Variants in EYS observed in about 807,000 individuals in gnomAD.
EYS encodes EGF-like photoreceptor maintenance factor.
In EYS, 250 loss-of-function variants were observed where a neutral mutation model predicts 282.1. The observed-to-expected ratio is 0.89, with a 90% CI of 0.80 to 0.98. The LOEUF is 0.98. EYS is among the 50% of genes least tolerant of loss of function. The pLI is 0.00. For missense variants in EYS, 4,016 were observed against 3,709.0 expected, an observed-to-expected ratio of 1.08 and a Z score of -2.15; for synonymous variants, 1,355 against 1,282.9, an observed-to-expected ratio of 1.06 and a Z score of -1.20.
chr6:64,676,079 T>TAGGG (rs1386542027), intron 22 of EYS, among the ~76,000 whole-genome samples: 4 of 147,042 alleles, frequency 2.7e-5, no homozygotes, highest in Admixed American at 1.4e-4. Context: ...TATAGATAGA[T>TAGGG]AGAGAGAGAG....
chr6:64,596,567 C>T (rs12662827), intron 24 of EYS, among the ~76,000 whole-genome samples: 15,354 of 152,140 alleles, frequency 0.1, 925 homozygotes, highest in East Asian at 0.16. Flanking sequence ...TTCACATATT[C>T]ACAGCTAGCT....
chr6:64,890,638 A>C (rs1272204260), intron 18 of EYS, among the ~76,000 whole-genome samples: 2 of 152,096 alleles, frequency 1.3e-5, no homozygotes, highest in Non-Finnish European at 2.9e-5. Flanking sequence ...ACTTCTCAAA[A>C]AGTTCTGCTT....
chr6:64,344,676 A>G (rs974387719), intron 29 of EYS, among the ~76,000 whole-genome samples: 4 of 152,124 alleles, frequency 2.6e-5, no homozygotes, highest in African/African-American at 9.7e-5. Flanking sequence ...CCTATTCAAC[A>G]TAGTGTTGGA....
chr6:64,114,413 T>C (rs752949613), intron 31 of EYS, among the ~76,000 whole-genome samples: 2 of 152,194 alleles, frequency 1.3e-5, no homozygotes, highest in Non-Finnish European at 2.9e-5. Context: ...CCAGGCTTCA[T>C]CCTGTTAAAT....
chr6:63,858,535 C>G (rs1772451558), intron 36 of EYS, among the ~76,000 whole-genome samples: 1 of 152,180 alleles, frequency 6.6e-6, no homozygotes, highest in South Asian at 2.1e-4. Flanking sequence ...GGCAACTTCC[C>G]TCAGTTCTTA....
intron 7 of EYS, among the ~76,000 whole-genome samples, chr6:65,401,838 A>G (rs1430203645): frequency 6.6e-6 from 1 of 151,924 alleles, no homozygotes; most frequent in Non-Finnish European, 1.5e-5. Flanking sequence ...TGCCCAACAG[A>G]ATTTACTTGA....
rs142126213 is a variant in EYS at position 64,582,158 on chromosome 6, A to T, written c.5644+8065T>A. ...GTTGTCATTGTACAAAATTAGTCAT[A>T]GATAATATGTAAACCAGTGGTCTCC... On this transcript the variant is annotated intron_variant, in intron 26 of 42. Coordinates refer to ENST00000503581, the MANE Select transcript of EYS (RefSeq NM_001142800.2). Among the ~76,000 whole-genome samples the T allele has an allele frequency of 2.0e-4, 31 of 152,232 alleles. 1 individual carries two copies. The East Asian group carries it at 5.8e-3, about 29-fold the overall frequency.
chr6:64,457,481 T>G (rs1380444712), intron 26 of EYS, among the ~76,000 whole-genome samples: 1 of 152,058 alleles, frequency 6.6e-6, no homozygotes. Flanking sequence ...CCTACTATTA[T>G]CATATTGCAG....
chr6:64,538,999 C>A lies in EYS; in HGVS notation c.5644+51224G>T, dbSNP rs151118720. On this transcript the variant is annotated intron_variant, in intron 26 of 42. Coordinates refer to ENST00000503581, the MANE Select transcript of EYS (RefSeq NM_001142800.2). ...TGCTCTTATGTTCAAATCAATCACC[C>A]GAGAATCTTGTTAAAACACAGACTG... 2.6e-4 allele frequency among the ~76,000 whole-genome samples: 40 copies of A among 152,194 alleles called. No individual in the cohort carries two copies. The East Asian group carries it at 7.7e-3, about 29-fold the overall frequency.
intron 33 of EYS, among the ~76,000 whole-genome samples, chr6:64,022,146 T>A (rs2149820269): frequency 6.6e-6 from 1 of 152,364 alleles, no homozygotes; most frequent in South Asian, 2.1e-4. Flanking sequence ...GTAATTTTTA[T>A]CAGATGTTGT....
chr6:64,179,320 C>A (rs750212107), intron 31 of EYS, among the ~76,000 whole-genome samples: 1 of 151,996 alleles, frequency 6.6e-6, no homozygotes, highest in Non-Finnish European at 1.5e-5. Flanking sequence ...CACACTAAAA[C>A]TGACAGAGCA....
At chr6:64,534,885 C>T (rs1171780532) in intron 26 of EYS, among the ~76,000 whole-genome samples, 2 of 151,732 alleles carry the variant, frequency 1.3e-5, no homozygotes, top group African/African-American at 4.8e-5. Context: ...TATGACTGTT[C>T]AGGCCTTTGC....
At chr6:64,269,078 C>A (rs1329468842) in intron 30 of EYS, among the ~76,000 whole-genome samples, 1 of 152,092 alleles carries the variant, frequency 6.6e-6, no homozygotes, top group Non-Finnish European at 1.5e-5. Flanking sequence ...TTTCTCAGTG[C>A]TTTCAAAGAG....
At chr6:64,889,911 G>A (rs58470972) in intron 18 of EYS, among the ~76,000 whole-genome samples, 4 of 151,976 alleles carry the variant, frequency 2.6e-5, no homozygotes, top group East Asian at 1.9e-4. Context: ...TCTGACCGCC[G>A]GTGAGCTGGG....
chr6:63,952,348 C>A (rs1765632135), intron 35 of EYS, among the ~76,000 whole-genome samples: 1 of 152,186 alleles, frequency 6.6e-6, no homozygotes, highest in Admixed American at 6.6e-5. Flanking sequence ...GGCTTAGCAA[C>A]TGAAGACTGA....
chr6:63,822,960 A>T (rs1433910249), intron 36 of EYS, among the ~76,000 whole-genome samples: 1 of 152,156 alleles, frequency 6.6e-6, no homozygotes, highest in Admixed American at 6.6e-5. Context: ...ACAATAAAAC[A>T]ATTATGTCTG....
intron 26 of EYS, among the ~76,000 whole-genome samples, chr6:64,481,864 CTGTTCT>C (rs1562018871): frequency 2.6e-5 from 4 of 151,570 alleles, no homozygotes; most frequent in Non-Finnish European, 5.9e-5. Flanking sequence ...TGCTTAATAT[CTGTTCT>C]CTATATTTAA....
intron 33 of EYS, among the ~76,000 whole-genome samples, chr6:64,062,941 A>G (rs915550615): frequency 1.3e-5 from 2 of 152,116 alleles, no homozygotes; most frequent in Admixed American, 6.6e-5. Flanking sequence ...CTATCCTGCT[A>G]CACTGAAGTC....
intron 22 of EYS, among the ~76,000 whole-genome samples, chr6:64,800,989 C>T (rs1292157894): frequency 6.6e-6 from 1 of 151,860 alleles, no homozygotes; most frequent in Non-Finnish European, 1.5e-5. Flanking sequence ...TTTTTACGCC[C>T]CTCTCATCTG....
Sources: allele counts gnomAD v4.1 joint callset (sites outside exome capture counted in the v4.1 genomes callset), GRCh38; gene constraint gnomAD v4.1.1; transcripts MANE v1.5; gene names NCBI Gene and HGNC (gene_info 2026-07-23, HGNC 2026-07-21).